Variants in CSMD1 observed in about 807,000 individuals in gnomAD.
CSMD1 encodes CUB and Sushi multiple domains 1.
A neutral mutation model predicts 417.5 loss-of-function variants in CSMD1; 213 were observed. That is an observed-to-expected ratio of 0.51 (90% CI 0.46 to 0.57). The LOEUF (loss-of-function observed/expected upper bound fraction) is 0.57. Ranked by LOEUF, CSMD1 falls within the 20% of genes least tolerant of loss-of-function variation. The pLI, the probability that CSMD1 is intolerant of heterozygous loss-of-function variation, is 0.00. For synonymous variants in CSMD1, 2,862 were observed against 1,736.8 expected, an observed-to-expected ratio of 1.65 and a Z score of -16.11; for missense variants, 6,923 against 4,529.7, an observed-to-expected ratio of 1.53 and a Z score of -15.17.
At chr8:3,277,962 G>A (rs1026788617) in intron 26 of CSMD1, among the ~76,000 whole-genome samples, 4 of 152,114 alleles carry the variant, frequency 2.6e-5, no homozygotes, top group Non-Finnish European at 1.5e-5. Context: ...GTAAGCAAGC[G>A]TCATTTCTGC....
chr8:4,940,111 G>A (rs1450456640), intron 1 of CSMD1, among the ~76,000 whole-genome samples: 1 of 152,124 alleles, frequency 6.6e-6, no homozygotes, highest in Non-Finnish European at 1.5e-5. Context: ...GGGCTGCTGA[G>A]GAGGTCTTGG....
chr8:3,995,937 G>T (rs958469180), intron 5 of CSMD1, among the ~76,000 whole-genome samples: 1 of 152,282 alleles, frequency 6.6e-6, no homozygotes. Context: ...TGATGTAGAA[G>T]ATGTCTTCCA....
intron 2 of CSMD1, among the ~76,000 whole-genome samples, chr8:4,517,160 A>G (rs1218004545): frequency 6.6e-6 from 1 of 152,258 alleles, no homozygotes; most frequent in African/African-American, 2.4e-5. Flanking sequence ...TACCTACTGT[A>G]TGAACTAATT....
intron 3 of CSMD1, among the ~76,000 whole-genome samples, chr8:4,273,810 G>C (rs540565404): frequency 6.6e-6 from 1 of 152,140 alleles, no homozygotes; most frequent in Admixed American, 6.6e-5. Context: ...GGTGAAACCT[G>C]TACTGGTCAC....
chr8:3,691,722 T>C (rs1800253837), intron 7 of CSMD1, among the ~76,000 whole-genome samples: 1 of 152,150 alleles, frequency 6.6e-6, no homozygotes, highest in African/African-American at 2.4e-5. Flanking sequence ...AAGGTAAATA[T>C]TATCGCTATT....
intron 12 of CSMD1, among the ~76,000 whole-genome samples, chr8:3,414,533 T>G (rs941939048): frequency 3.3e-5 from 5 of 152,176 alleles, no homozygotes; most frequent in Admixed American, 1.3e-4. Flanking sequence ...CTCCCCATGC[T>G]GCATCCCATT....
intron 1 of CSMD1, among the ~76,000 whole-genome samples, chr8:4,849,941 G>C (rs1801370270): frequency 6.6e-6 from 1 of 152,084 alleles, no homozygotes; most frequent in African/African-American, 2.4e-5. Context: ...AACATTTCAG[G>C]AATTACCAGA....
intron 1 of CSMD1, among the ~76,000 whole-genome samples, chr8:4,652,562 G>C (rs181348851): frequency 1.1e-3 from 174 of 152,096 alleles, no homozygotes; most frequent in African/African-American, 4.0e-3. Flanking sequence ...TGAGGCAGGA[G>C]AATCGCTTGA....
chr8:3,882,751 CTT>C (rs1806289340), intron 5 of CSMD1, among the ~76,000 whole-genome samples: 1 of 152,160 alleles, frequency 6.6e-6, no homozygotes, highest in Non-Finnish European at 1.5e-5. Context: ...ACAAACATAA[CTT>C]TGTGTGAAAG....
chr8:3,431,846 C>T (rs539256629), intron 12 of CSMD1, among the ~76,000 whole-genome samples: 2 of 152,112 alleles, frequency 1.3e-5, no homozygotes, highest in Non-Finnish European at 2.9e-5. Flanking sequence ...CATTTCCTAC[C>T]AGCCTGCCAC....
intron 3 of CSMD1, among the ~76,000 whole-genome samples, chr8:4,179,323 G>A (rs1014524777): frequency 5.3e-5 from 8 of 152,146 alleles, no homozygotes; most frequent in Non-Finnish European, 1.2e-4. Flanking sequence ...ACCAAGCAAT[G>A]GGGGAAGGAT....
chr8:4,563,317 C>T (rs543124490), intron 2 of CSMD1, among the ~76,000 whole-genome samples: 91 of 152,280 alleles, frequency 6.0e-4, no homozygotes, highest in African/African-American at 2.1e-3. Context: ...AGGAGAATGG[C>T]GTGAACCCAG....
chr8:3,779,363 A>T (rs1175295309), intron 5 of CSMD1, among the ~76,000 whole-genome samples: 2 of 152,140 alleles, frequency 1.3e-5, no homozygotes, highest in Admixed American at 1.3e-4. Context: ...AATTGTAATG[A>T]CCCAAGATGA....
chr8:4,409,587 G>A (rs1056225349), intron 3 of CSMD1, among the ~76,000 whole-genome samples: 1 of 149,802 alleles, frequency 6.7e-6, no homozygotes, highest in Middle Eastern at 3.5e-3. Flanking sequence ...GGATGAATTT[G>A]TTCTGTGTAC....
At chr8:4,732,856 C>G (rs556333922) in intron 1 of CSMD1, among the ~76,000 whole-genome samples, 48 of 152,178 alleles carry the variant, frequency 3.2e-4, no homozygotes, top group Non-Finnish European at 6.2e-4. Context: ...GACATCCACA[C>G]TCATTCATTT....
chr8:4,711,158 CAA>C (rs11324282), intron 1 of CSMD1, among the ~76,000 whole-genome samples: 9 of 131,984 alleles, frequency 6.8e-5, no homozygotes, highest in Admixed American at 1.5e-4. Context: ...AATTTTCTCA[CAA>C]AAAAAAAAAA....
At chr8:3,484,751 G>A (rs540117064) in intron 11 of CSMD1, among the ~76,000 whole-genome samples, 52 of 152,302 alleles carry the variant, frequency 3.4e-4, no homozygotes, top group African/African-American at 1.1e-3. Context: ...AGAAACATCC[G>A]CTTAGAAAAT....
rs770400969 is a variant in CSMD1, at chr8:3,190,009, G to A, written c.5301C>T (p.Cys1767=). 2 of 1,598,246 alleles carry A rather than the reference G, an allele frequency of 1.3e-6. No homozygotes were observed. Among genetic ancestry groups the A allele is most frequent in the South Asian group, 1.1e-5 (1 of 87,722 alleles). ...AACCCTGAAGCAGGTATCCCGGGTT[G>A]CACTCGAATCGGACGATGGAGCCGG... ...FSAGSIVRFE[C]NPGYLLQGST... The change falls in exon 34 of 70, where the codon TGC becomes TGT. Residue 1767 remains cysteine (C), a synonymous_variant. Coordinates refer to ENST00000635120, the MANE Select transcript of CSMD1 (RefSeq NM_033225.6).
At chr8:3,647,497 G>A (rs752032844) in intron 7 of CSMD1, among the ~76,000 whole-genome samples, 1 of 152,158 alleles carries the variant, frequency 6.6e-6, no homozygotes, top group East Asian at 1.9e-4. Context: ...ATAGCACAGA[G>A]AGAAGTATAT....
Sources: gnomAD v4.1 joint callset for allele counts (sites outside exome capture counted in the v4.1 genomes callset) on GRCh38, gnomAD v4.1.1 for gene constraint, MANE v1.5 for transcripts, NCBI Gene and HGNC (gene_info 2026-07-23, HGNC 2026-07-21) for gene names.